Variants in SLC2A10 observed in about 807,000 individuals in gnomAD.
SLC2A10 encodes the protein solute carrier family 2 member 10, also known as solute carrier family 2, facilitated glucose transporter member 10.
In SLC2A10, 25 loss-of-function variants were observed where a neutral mutation model predicts 32.1. That is an observed-to-expected ratio of 0.78 (90% CI 0.57 to 1.09). The LOEUF (loss-of-function observed/expected upper bound fraction) is 1.09, where lower values mean the gene tolerates loss of function less well. Ranked by LOEUF, SLC2A10 falls within the 50% of genes least tolerant of loss-of-function variation. The pLI, the probability that SLC2A10 is intolerant of heterozygous loss-of-function variation, is 0.00. For synonymous variants in SLC2A10, 332 were observed against 309.6 expected (o/e 1.07, Z -0.76); for missense variants, 673 against 686.5 (o/e 0.98, Z 0.22).
rs765602345 is a variant in SLC2A10, at chr20:46,725,961, C to T, written c.925C>T (p.Leu309=). The T allele has an allele frequency of 1.2e-6, 2 of 1,613,894 alleles. No individual in the cohort carries two copies. Among genetic ancestry groups the T allele is most frequent in the Non-Finnish European group, 1.7e-6 (2 of 1,180,040 alleles). ...GCTAGCTGGCTGTGCCCTCATGGCC[C>T]TGTCCGTCAGTGGCATAGGCCTCGT... ...LLLAGCALMA[L]SVSGIGLVSF... The change falls in exon 2 of 5, where the codon CTG becomes TTG. Residue 309 remains leucine, a synonymous_variant. Transcript: ENST00000359271.
chr20:46,725,029 TTTG>T lies in SLC2A10; in HGVS notation c.5-9_5-7del, dbSNP rs1600666288. 1 of 1,614,054 alleles carries T rather than the reference TTTG, an allele frequency of 6.2e-7. No individual in the cohort carries two copies. The highest frequency in any genetic ancestry group is 8.5e-7 in the Non-Finnish European group (1 of 1,180,024). On this transcript the variant is annotated splice_polypyrimidine_tract_variant and intron_variant, in intron 1 of 4. Coordinates refer to ENST00000359271, the MANE Select transcript of SLC2A10 (RefSeq NM_030777.4). ...CCATTCTAACTCTGTCCCTCTCACT[TTTG>T]TTTTTTAGGCCACTCCCCACCTGTC...
intron 1 of SLC2A10, among the ~76,000 whole-genome samples, chr20:46,711,104 T>G (rs1978884268): frequency 6.6e-6 from 1 of 152,182 alleles, no homozygotes; most frequent in Non-Finnish European, 1.5e-5. Context: ...TCTCCTGACC[T>G]CGTGATCCGG....
chr20:46,730,679 G>A (rs8119275), intron 4 of SLC2A10, among the ~76,000 whole-genome samples: 1 of 152,026 alleles, frequency 6.6e-6, no homozygotes, highest in Non-Finnish European at 1.5e-5. Context: ...AGGCCAGATG[G>A]GTAGGATCAC....
rs573877130 is a variant in SLC2A10 at position 46,734,261 on chromosome 20, C to T, written c.*427C>T. On this transcript the variant is annotated 3_prime_UTR_variant, in exon 5 of 5. Coordinates refer to ENST00000359271, the MANE Select transcript of SLC2A10 (RefSeq NM_030777.4). ...TTTTTTCAACTGGCTGGGACATTTT[C>T]GGAAGGGGGAAGTCTCTTTTTTTAC... 2.9e-4 allele frequency: 60 copies of T among 207,996 alleles called. No homozygotes were observed. The highest frequency in any genetic ancestry group is 1.2e-3 in the African/African-American group (49 of 42,404). The allele number at this position is 207,996 out of a possible 1,614,324, so 12.9% of individuals were successfully genotyped here.
chr20:46,728,399 A>T (rs1316635160), intron 3 of SLC2A10, among the ~76,000 whole-genome samples: 1 of 152,072 alleles, frequency 6.6e-6, no homozygotes, highest in East Asian at 1.9e-4. Context: ...CTGTCTTGGG[A>T]TGAATGACAT....
At chr20:46,714,200 G>A (rs1276448686) in intron 1 of SLC2A10, among the ~76,000 whole-genome samples, 1 of 147,620 alleles carries the variant, frequency 6.8e-6, no homozygotes, top group Admixed American at 6.6e-5. Flanking sequence ...AGTGGCTCCA[G>A]GCAAGTAAAA....
chr20:46,729,262 T>G, intron 3 of SLC2A10, 91 bp from the exon 4 acceptor site: 1 of 1,545,574 alleles, frequency 6.5e-7, no homozygotes. Context: ...GAACTGACTT[T>G]CCATGCCTGA....
chr20:46,729,245 T>A, intron 3 of SLC2A10, 108 bp from the exon 4 acceptor site: 2 of 1,415,468 alleles, frequency 1.4e-6, no homozygotes, highest in Non-Finnish European at 2.0e-6. Context: ...GAACATTTGC[T>A]TTGAGTGAAC....
In SLC2A10 at chr20:46,725,941, C is replaced by G. The variant is rs1269792513; in HGVS notation, c.905C>G (p.Ala302Gly). 1.2e-6 allele frequency: 2 copies of G among 1,613,828 alleles called. No homozygotes were observed. Among genetic ancestry groups the G allele is most frequent in the East Asian group, 4.5e-5 (2 of 44,896 alleles). ...GCAGGCCGCAGGGCTCTGTTGCTAG[C>G]TGGCTGTGCCCTCATGGCCCTGTCC... is the stretch of plus-strand genomic sequence containing the variant. ...DRAGRRALLL[A>G]GCALMALSVS... The change falls in exon 2 of 5, where the codon GCT (alanine) becomes GGT (glycine). Residue 302 changes from alanine to glycine, a missense_variant. By Grantham distance (60) the Ala-to-Gly change is moderately conservative. Transcript: ENST00000359271.
At position 46,709,695 on chromosome 20, in the gene SLC2A10, G is replaced by C. The variant is rs932809519; in HGVS notation, c.-42G>C. ...GGACTCCGGCGGGGGATGCGCGCCCGGCCCCTCAGCGCCCCCAGCACGCCG... is the reference window on the plus strand; with the variant it reads ...GGACTCCGGCGGGGGATGCGCGCCCCGCCCCTCAGCGCCCCCAGCACGCCG... On this transcript the variant is annotated 5_prime_UTR_variant, in exon 1 of 5. Transcript: ENST00000359271. 1.2e-5 allele frequency: 19 copies of C among 1,536,170 alleles called. No homozygotes were observed. In the Admixed American group the frequency reaches 1.4e-4, roughly 11 times the overall value.
chr20:46,724,907 T>A (rs1357193149), intron 1 of SLC2A10, 134 bp from the exon 2 acceptor site: 42 of 1,068,220 alleles, frequency 3.9e-5, no homozygotes, highest in Non-Finnish European at 4.8e-5. Flanking sequence ...GATGGATGGT[T>A]TGAATGGATG....
intron 1 of SLC2A10, among the ~76,000 whole-genome samples, chr20:46,722,862 C>G (rs1979635191): frequency 6.6e-6 from 1 of 152,216 alleles, no homozygotes; most frequent in Non-Finnish European, 1.5e-5. Context: ...TCTTTGTTGT[C>G]TCACATGCAG....
intron 1 of SLC2A10, among the ~76,000 whole-genome samples, chr20:46,721,324 T>C (rs1979539343): frequency 6.6e-6 from 1 of 152,034 alleles, no homozygotes; most frequent in South Asian, 2.1e-4. Context: ...CACTGCAAGT[T>C]AGTTACCAAA....
rs1281543071 is a variant in SLC2A10, at chr20:46,726,204, G to A, written c.1168G>A (p.Ala390Thr). ...SGDPSAPPRLALSSALPGPPL... is the reference protein window; with the variant it reads ...SGDPSAPPRLTLSSALPGPPL... ...AGACCCCTCAGCCCCTCCTCGGCTG[G>A]CCCTGAGCTCTGCCCTCCCTGGGCC... Residue 390 changes from alanine (A) to threonine (T), a missense_variant, in exon 2 of 5, where the codon GCC becomes ACC. Transcript: ENST00000359271. 1.2e-6 allele frequency: 2 copies of A among 1,614,136 alleles called. No homozygotes were observed. The highest frequency in any genetic ancestry group is 1.3e-5 in the African/African-American group (1 of 75,086).
chr20:46,715,834 T>G (rs576874737), intron 1 of SLC2A10, among the ~76,000 whole-genome samples: 15 of 152,270 alleles, frequency 9.9e-5, no homozygotes, highest in Non-Finnish European at 1.6e-4. Context: ...ACAACTTTTT[T>G]TGTTTTTTTA....
intron 1 of SLC2A10, among the ~76,000 whole-genome samples, chr20:46,721,457 A>T (rs3092412): frequency 0.28 from 42,216 of 150,036 alleles, 6,912 homozygotes; most frequent in East Asian, 0.58. Context: ...AAAAAAAGAG[A>T]GAGAGAGACA....
At chr20:46,723,731 C>T (rs576603884) in intron 1 of SLC2A10, among the ~76,000 whole-genome samples, 20 of 152,180 alleles carry the variant, frequency 1.3e-4, no homozygotes, top group Non-Finnish European at 2.6e-4. Flanking sequence ...CCATCACTCT[C>T]ACTCACTGGG....
chr20:46,727,305 GCTTTT>G (rs1375514055), intron 3 of SLC2A10, among the ~76,000 whole-genome samples: 2 of 152,070 alleles, frequency 1.3e-5, no homozygotes, highest in African/African-American at 4.8e-5. Flanking sequence ...GTTTTTCTTG[GCTTTT>G]CTTTTCTTTT....
chr20:46,726,815 G>T, intron 2 of SLC2A10, 49 bp from the exon 3 acceptor site: 1 of 1,613,154 alleles, frequency 6.2e-7, no homozygotes. Context: ...ATGGTGCCAG[G>T]CCCCAGGTCC....
Sources: gnomAD v4.1 joint callset for allele counts (sites outside exome capture counted in the v4.1 genomes callset) on GRCh38, gnomAD v4.1.1 for gene constraint, MANE v1.5 for transcripts, NCBI Gene and HGNC (gene_info 2026-07-23, HGNC 2026-07-21) for gene names.